COTL1: variants seen among roughly 807,000 people sequenced by gnomAD.
The protein encoded by COTL1 is coactosin like F-actin binding protein 1, also known as coactosin-like protein.
In COTL1, 15 loss-of-function variants were observed where a neutral mutation model predicts 16.5. The ratio of observed to expected loss-of-function variants is 0.91; its 90% CI spans 0.61 to 1.40. COTL1 has a LOEUF of 1.40. Among genes scored for constraint, COTL1 ranks in the 40% most tolerant of loss-of-function variants. COTL1 has a pLI of 0.00. For synonymous variants in COTL1, 112 were observed against 85.3 expected (o/e 1.31, Z -1.73); for missense variants, 220 against 201.5 (o/e 1.09, Z -0.56).
At chr16:84,600,347 C>T (rs562687666) in intron 2 of COTL1, among the ~76,000 whole-genome samples, 7 of 138,646 alleles carry the variant, frequency 5.0e-5, no homozygotes, top group African/African-American at 1.1e-4. Flanking sequence ...AAATCTCGCT[C>T]TGTTGTCCAG....
At chr16:84,612,450 G>A (rs1201498106) in intron 2 of COTL1, among the ~76,000 whole-genome samples, 2 of 152,138 alleles carry the variant, frequency 1.3e-5, no homozygotes, top group Non-Finnish European at 2.9e-5. Context: ...GCTTCCGAGT[G>A]GAAAGCATAA....
chr16:84,584,731 T>C (rs928958912), intron 3 of COTL1, among the ~76,000 whole-genome samples: 1 of 152,202 alleles, frequency 6.6e-6, no homozygotes, highest in Non-Finnish European at 1.5e-5. Flanking sequence ...AAACTGGAAA[T>C]AACAGCTACT....
At chr16:84,595,958 A>G (rs1451945163) in intron 2 of COTL1, 3 of 152,132 alleles carry the variant, frequency 2.0e-5, no homozygotes, top group African/African-American at 7.2e-5. Flanking sequence ...TGTGTTATAT[A>G]TACATGTATG....
At chr16:84,602,086 C>G (rs1011636709) in intron 2 of COTL1, among the ~76,000 whole-genome samples, 1 of 152,106 alleles carries the variant, frequency 6.6e-6, no homozygotes, top group Non-Finnish European at 1.5e-5. Context: ...AGCACCCAGA[C>G]GATGCCCCAC....
At chr16:84,617,702 T>C (rs1004514324) in intron 1 of COTL1, 119 bp from the exon 2 acceptor site, 9 of 1,368,732 alleles carry the variant, frequency 6.6e-6, no homozygotes, top group South Asian at 6.3e-5. Context: ...CGCGGGGGCC[T>C]GGCACGCCGT....
At chr16:84,599,337 C>G (rs963663888) in intron 2 of COTL1, among the ~76,000 whole-genome samples, 4 of 152,348 alleles carry the variant, frequency 2.6e-5, no homozygotes, top group African/African-American at 9.6e-5. Context: ...TTTCTTAACA[C>G]TTTTGCAAAT....
At chr16:84,591,956 A>T (rs1199044253) in intron 2 of COTL1, among the ~76,000 whole-genome samples, 1 of 152,202 alleles carries the variant, frequency 6.6e-6, no homozygotes, top group Non-Finnish European at 1.5e-5. Context: ...CCCCACTAGG[A>T]TAAACCAAAA....
intron 3 of COTL1, among the ~76,000 whole-genome samples, chr16:84,584,273 G>A (rs745393674): frequency 2.6e-5 from 4 of 152,216 alleles, no homozygotes; most frequent in Non-Finnish European, 4.4e-5. Flanking sequence ...CTGCTGCCCC[G>A]TGGCCTTGCT....
chr16:84,578,349 T>A (rs1904498674), intron 3 of COTL1, among the ~76,000 whole-genome samples: 1 of 152,218 alleles, frequency 6.6e-6, no homozygotes, highest in African/African-American at 2.4e-5. Flanking sequence ...TACCAGGCTG[T>A]TTCCATTTTT....
chr16:84,613,149 G>A (rs1415098693), intron 2 of COTL1, among the ~76,000 whole-genome samples: 1 of 151,952 alleles, frequency 6.6e-6, no homozygotes, highest in Non-Finnish European at 1.5e-5. Context: ...ATAGGCGCCG[G>A]CCACCATGCC....
At chr16:84,594,281 C>T (rs1039635946) in intron 2 of COTL1, 4 of 152,308 alleles carry the variant, frequency 2.6e-5, no homozygotes, top group Non-Finnish European at 5.9e-5. Context: ...CCTAGCCCAT[C>T]AGGGTGGAAC....
intron 3 of COTL1, among the ~76,000 whole-genome samples, chr16:84,571,973 C>G (rs1232604713): frequency 1.3e-5 from 2 of 152,228 alleles, no homozygotes; most frequent in African/African-American, 4.8e-5. Context: ...GAGCCAGCAC[C>G]TTCCATTCAG....
chr16:84,602,212 G>C (rs1450449177), intron 2 of COTL1, among the ~76,000 whole-genome samples: 4 of 151,716 alleles, frequency 2.6e-5, no homozygotes, highest in Admixed American at 2.0e-4. Context: ...TGGGGGTGGG[G>C]GGGGTGCCAT....
At chr16:84,602,179 T>C (rs3111577) in intron 2 of COTL1, among the ~76,000 whole-genome samples, 16,167 of 149,072 alleles carry the variant, frequency 0.11, 1,044 homozygotes, top group East Asian at 0.23. Flanking sequence ...CAGTTCCAAA[T>C]TTGCAGCTGC....
chr16:84,590,024 G>A lies in COTL1; in HGVS notation c.318+81C>T. The A allele has an allele frequency of 6.9e-7, 1 of 1,449,540 alleles. No individual in the cohort carries two copies. The highest frequency in any genetic ancestry group is 9.5e-7 in the Non-Finnish European group (1 of 1,058,074). The allele number at this position is 1,449,540 out of a possible 1,614,324, so 89.8% of individuals were successfully genotyped here. A position where few individuals can be genotyped will look rare whatever the true frequency, so the allele number is the denominator to read the frequency against. Reference sequence around the variant, plus strand: ...TCACAGCTAAGCTACAGACCCAGGAGTCGAACCCAGCCCTCTCCCTCCTTG... The same window carrying A: ...TCACAGCTAAGCTACAGACCCAGGAATCGAACCCAGCCCTCTCCCTCCTTG... On this transcript the variant is annotated intron_variant, in intron 3 of 3. Coordinates refer to ENST00000262428, the MANE Select transcript of COTL1 (RefSeq NM_021149.5). This position sits in a 1 kb window ranked among gnomAD's most constrained non-coding sequence, Gnocchi z 5.5.
intron 2 of COTL1, among the ~76,000 whole-genome samples, chr16:84,614,199 C>G (rs1221830771): frequency 6.6e-6 from 1 of 152,254 alleles, no homozygotes; most frequent in East Asian, 1.9e-4. Flanking sequence ...CGCAAGGTCT[C>G]TGACCATCCC....
At chr16:84,612,283 C>G (rs1905347158) in intron 2 of COTL1, among the ~76,000 whole-genome samples, 1 of 152,066 alleles carries the variant, frequency 6.6e-6, no homozygotes, top group Non-Finnish European at 1.5e-5. Context: ...CGGACAAAAC[C>G]CAAACCTTGA....
At chr16:84,584,577 A>C (rs1304998435) in intron 3 of COTL1, among the ~76,000 whole-genome samples, 1 of 152,108 alleles carries the variant, frequency 6.6e-6, no homozygotes, top group Non-Finnish European at 1.5e-5. Context: ...TGTGTGGCTG[A>C]CGGCTGGCAA....
At chr16:84,567,700 C>T (rs906473622) in intron 3 of COTL1, 4 of 152,316 alleles carry the variant, frequency 2.6e-5, no homozygotes, top group Admixed American at 6.5e-5. Context: ...TGCAGTCAGT[C>T]TTTCCTCTTG....
Sources: allele counts gnomAD v4.1 joint callset (sites outside exome capture counted in the v4.1 genomes callset), GRCh38; gene constraint gnomAD v4.1.1; non-coding constraint Gnocchi (gnomAD v3.1); transcripts MANE v1.5; gene names NCBI Gene and HGNC (gene_info 2026-07-23, HGNC 2026-07-21).